The following MYLK3 variants were observed in gnomAD, a reference collection of about 807,000 sequenced individuals.
MYLK3 encodes myosin light chain kinase 3.
MYLK3 carries 55 observed loss-of-function variants against 76.3 expected under a neutral mutation model. The ratio of observed to expected loss-of-function variants is 0.72; its 90% CI spans 0.58 to 0.90. The LOEUF (loss-of-function observed/expected upper bound fraction) is 0.90. Ranked by LOEUF, MYLK3 falls within the 40% of genes least tolerant of loss-of-function variation. MYLK3 has a pLI of 0.00. For synonymous variants in MYLK3, 416 were observed against 425.4 expected, an observed-to-expected ratio of 0.98 and a Z score of 0.27; for missense variants, 973 against 1,053.6, an observed-to-expected ratio of 0.92 and a Z score of 1.06.
At chr16:46,730,526 AGGTG>A in intron 5 of MYLK3, 63 bp downstream of exon 5, 1 of 1,331,930 alleles carries the variant, frequency 7.5e-7, no homozygotes, top group Non-Finnish European at 1.1e-6. Flanking sequence ...CCAGTTCTCC[AGGTG>A]GTCCCGACCC....
chr16:46,724,062 T>C (rs889748787), intron 8 of MYLK3, among the ~76,000 whole-genome samples: 1 of 152,260 alleles, frequency 6.6e-6, no homozygotes, highest in African/African-American at 2.4e-5. Flanking sequence ...CTAATGATGC[T>C]GAGAATCACT....
chr16:46,722,642 G>A (rs189705830), intron 8 of MYLK3, among the ~76,000 whole-genome samples: 26 of 151,254 alleles, frequency 1.7e-4, no homozygotes, highest in Admixed American at 6.6e-4. Flanking sequence ...AAAAGAAACA[G>A]GTGAACTTAA....
In MYLK3 at chr16:46,736,774, G is replaced by T. The variant is rs927519520; in HGVS notation, c.1001+937C>A. On this transcript the variant is annotated intron_variant, in intron 3 of 12. Coordinates refer to ENST00000394809, the MANE Select transcript of MYLK3 (RefSeq NM_182493.3). ...TCCGTGACAGGTCAGGGCCACCCTA[G>T]GCAGGCGCAGAAGATGCTAGGAAAC... 4.6e-5 allele frequency among the ~76,000 whole-genome samples: 7 copies of T among 152,210 alleles called. No homozygotes were observed. The South Asian group carries it at 1.4e-3, about 32-fold the overall frequency.
intron 7 of MYLK3, 131 bp from the exon 8 acceptor site, chr16:46,727,508 C>T (rs1567285237): frequency 1.0e-6 from 1 of 971,326 alleles, no homozygotes. Flanking sequence ...CACAGGGCTG[C>T]TGCCACTGCC....
chr16:46,760,318 C>T (rs182418531), intron 1 of MYLK3, among the ~76,000 whole-genome samples: 2 of 152,346 alleles, frequency 1.3e-5, no homozygotes, highest in East Asian at 1.9e-4. Flanking sequence ...CACCTCACCT[C>T]CCCGGCTGAC....
rs1278355686 is a variant in MYLK3 at position 46,727,362 on chromosome 16, C to T, written c.1788G>A (p.Glu596=). The change falls in exon 8 of 13, where the codon GAG becomes GAA. Residue 596 remains glutamate (E), a synonymous_variant. Transcript: ENST00000394809. Reference sequence around the variant, plus strand: ...TCTCATCTGTGATCCGGTCGAAGAGCTCACCCCCGTCCACGCTGCCAGAGC... The same window carrying T: ...TCTCATCTGTGATCCGGTCGAAGAGTTCACCCCCGTCCACGCTGCCAGAGC... ...TLVMEYVDGG[E]LFDRITDEKY... is the part of the protein sequence containing the mutation. The T allele has an allele frequency of 6.2e-7, 1 of 1,611,118 alleles. No homozygotes were observed.
chr16:46,722,610 A>G (rs1195117109), intron 8 of MYLK3, among the ~76,000 whole-genome samples: 1 of 152,174 alleles, frequency 6.6e-6, no homozygotes, highest in Admixed American at 6.5e-5. Flanking sequence ...AAAGTTTACT[A>G]GAATGTACAT....
intron 1 of MYLK3, among the ~76,000 whole-genome samples, chr16:46,762,316 C>T (rs1168403421): frequency 6.6e-6 from 1 of 152,100 alleles, no homozygotes; most frequent in Non-Finnish European, 1.5e-5. Flanking sequence ...TTCTATATTT[C>T]ATTTATATTT....
rs1222235829 is a variant in MYLK3, at chr16:46,702,318, A to G, written c.*5386T>C. 6.6e-6 allele frequency among the ~76,000 whole-genome samples: 1 copy of G among 152,150 alleles called. No individual in the cohort carries two copies. The highest frequency in any genetic ancestry group is 2.4e-5 in the African/African-American group (1 of 41,444). On this transcript the variant is annotated 3_prime_UTR_variant, in exon 13 of 13. Transcript: ENST00000394809. Reference sequence around the variant, plus strand: ...TTCTTCATGGTTTATTTAACTGATTAAAAAGTTTTTTTGTCATGAATGTTT... The same window carrying G: ...TTCTTCATGGTTTATTTAACTGATTGAAAAGTTTTTTTGTCATGAATGTTT...
At chr16:46,755,906 C>CTTTTTTTTTTTTTTT (rs772833701) in intron 1 of MYLK3, among the ~76,000 whole-genome samples, 1 of 109,772 alleles carries the variant, frequency 9.1e-6, no homozygotes, top group Non-Finnish European at 1.7e-5. Context: ...TTTTTTCTTT[C>CTTTTTTTTTTTTTTT]TTTTTTTTTT....
chr16:46,736,411 G>A (rs1966868584), intron 3 of MYLK3, among the ~76,000 whole-genome samples: 1 of 152,234 alleles, frequency 6.6e-6, no homozygotes, highest in Non-Finnish European at 1.5e-5. Context: ...GGAAGGGCAG[G>A]TAGTGATCTC....
rs529321204 is a variant in MYLK3, at chr16:46,714,483, G to C, written c.1986-1707C>G. Among the ~76,000 whole-genome samples, 17 of 152,212 alleles carry C rather than the reference G, an allele frequency of 1.1e-4. No homozygotes were observed. In the East Asian group the frequency reaches 3.3e-3, roughly 29 times the overall value. ...ACGGGGGTTGAAGGACTGGGCCTCG[G>C]GGGGCAAGCGCTCCTCTGGCACCTG... On this transcript the variant is annotated intron_variant, in intron 9 of 12. Transcript: ENST00000394809.
chr16:46,757,453 T>G (rs1198058946), intron 1 of MYLK3: 1 of 985,336 alleles, frequency 1.0e-6, no homozygotes, highest in African/African-American at 1.7e-5. Context: ...CGACGCCCGC[T>G]GCTGGCCTCT....
chr16:46,720,949 T>C (rs1398272907), intron 9 of MYLK3, among the ~76,000 whole-genome samples, 174 bp downstream of exon 9: 1 of 152,102 alleles, frequency 6.6e-6, no homozygotes, highest in Admixed American at 6.5e-5. Flanking sequence ...AGCCAGCCCA[T>C]GCAAGAGCAA....
chr16:46,748,127 T>A lies in MYLK3; in HGVS notation c.67A>T (p.Thr23Ser). Residue 23 changes from threonine (T) to serine (S), a missense_variant, in exon 1 of 13, where the codon ACA (threonine) becomes TCA (serine). Around this residue, in one of 2 missense-constraint regions of MYLK3, gnomAD observed 641 missense variants for 637.0 expected, o/e 1.01. Transcript: ENST00000394809. This position sits in a 1 kb window ranked among gnomAD's most constrained non-coding sequence, Gnocchi z 4.3. The stretch of plus-strand genomic sequence containing the variant: ...ATGTTCAGCTTTGTGTCCATGGTTG[T>A]TAAGCAGGTCTTGCCCAACCCTGGC... ...GLPGLGKTCL[T>S]TMDTKLNMLN... The A allele has an allele frequency of 1.2e-6, 2 of 1,614,258 alleles. No individual in the cohort carries two copies. Among genetic ancestry groups the A allele is most frequent in the Non-Finnish European group, 1.7e-6 (2 of 1,180,038 alleles).
intron 1 of MYLK3, among the ~76,000 whole-genome samples, chr16:46,741,115 A>G (rs1320081031): frequency 1.3e-5 from 2 of 152,186 alleles, no homozygotes; most frequent in Non-Finnish European, 2.9e-5. Context: ...AGATCCTTAA[A>G]TTCTCTGCAT....
intron 7 of MYLK3, among the ~76,000 whole-genome samples, chr16:46,728,445 G>A (rs1323857654): frequency 6.6e-6 from 1 of 152,244 alleles, no homozygotes; most frequent in Non-Finnish European, 1.5e-5. Flanking sequence ...AATAGGCAGA[G>A]TGTGGTGGCT....
chr16:46,740,819 T>G (rs2143016260), intron 1 of MYLK3, among the ~76,000 whole-genome samples: 1 of 152,298 alleles, frequency 6.6e-6, no homozygotes, highest in East Asian at 1.9e-4. Context: ...CCCAAAGTGC[T>G]GGGATTACAG....
At chr16:46,708,611 C>T (rs1179280593) in intron 12 of MYLK3, among the ~76,000 whole-genome samples, 3 of 152,126 alleles carry the variant, frequency 2.0e-5, no homozygotes, top group South Asian at 2.1e-4. Context: ...CAGGCCACCA[C>T]GCCTGAGTCA....
Sources: gnomAD v4.1 joint callset for allele counts (sites outside exome capture counted in the v4.1 genomes callset) on GRCh38, gnomAD v4.1.1 for gene constraint, gnomAD v4.1.1 regional missense constraint, Gnocchi (gnomAD v3.1) non-coding constraint, MANE v1.5 for transcripts, NCBI Gene and HGNC (gene_info 2026-07-23, HGNC 2026-07-21) for gene names.